ZC2HC1A: variants seen among roughly 807,000 people sequenced by gnomAD.
ZC2HC1A encodes zinc finger C2HC-type containing 1A.
A neutral mutation model predicts 40.7 loss-of-function variants in ZC2HC1A; 28 were observed. The observed-to-expected ratio is 0.69, with a 90% CI of 0.51 to 0.94. The LOEUF (loss-of-function observed/expected upper bound fraction) is 0.94. Ranked by LOEUF, ZC2HC1A falls within the 40% of genes least tolerant of loss-of-function variation. The pLI, the probability that ZC2HC1A is intolerant of heterozygous loss-of-function variation, is 0.00. For missense variants in ZC2HC1A, 389 were observed against 386.3 expected (o/e 1.01, Z -0.06); for synonymous variants, 129 against 129.2 (o/e 1.00, Z 0.01).
chr8:78,706,992 C>G (rs375686592), intron 7 of ZC2HC1A, among the ~76,000 whole-genome samples: 1 of 152,168 alleles, frequency 6.6e-6, no homozygotes, highest in East Asian at 1.9e-4. Context: ...ATCAGTAGAT[C>G]AGGTAGTTGA....
At chr8:78,687,636 A>ATATATATGTTTATGTAATACAT (rs1563626734) in intron 4 of ZC2HC1A, among the ~76,000 whole-genome samples, 10 of 129,972 alleles carry the variant, frequency 7.7e-5, no homozygotes, top group East Asian at 2.2e-4. Flanking sequence ...GTAATACATT[A>ATATATATGTTTATGTAATACAT]TATATATATT....
intron 5 of ZC2HC1A, among the ~76,000 whole-genome samples, chr8:78,697,037 G>A (rs754668436): frequency 8.5e-5 from 13 of 152,274 alleles, no homozygotes; most frequent in South Asian, 4.1e-4. Flanking sequence ...CTGAGAGGGA[G>A]TCTAGTTTGG....
At chr8:78,695,900 G>C (rs1184343306) in intron 5 of ZC2HC1A, among the ~76,000 whole-genome samples, 1 of 152,134 alleles carries the variant, frequency 6.6e-6, no homozygotes, top group Non-Finnish European at 1.5e-5. Context: ...CACATACAGA[G>C]TTAGAAGGAT....
intron 1 of ZC2HC1A, 68 bp from the exon 2 acceptor site, chr8:78,675,719 A>C: frequency 7.2e-7 from 1 of 1,390,020 alleles, no homozygotes; most frequent in Non-Finnish European, 9.9e-7. Context: ...CTAAGAGAAA[A>C]CATTAAAATG....
chr8:78,687,854 TAA>T lies in ZC2HC1A; in HGVS notation c.352+1247_352+1248del. On this transcript the variant is annotated intron_variant, in intron 4 of 8. Coordinates refer to ENST00000263849, the MANE Select transcript of ZC2HC1A (RefSeq NM_016010.3). Reference sequence around the variant, plus strand: ...GTAATAAATTATATATATATTTATATAATATATATCTATATAATAAATATATA... The same window carrying T: ...GTAATAAATTATATATATATTTATATTATATATCTATATAATAAATATATA... Among the ~76,000 whole-genome samples, 3 of 87,418 alleles carry T rather than the reference TAA, an allele frequency of 3.4e-5. No homozygotes were observed. The South Asian group carries it at 1.4e-3, about 40-fold the overall frequency. 57.3% of individuals were successfully genotyped at this position (87,418 alleles called of 152,430 possible).
intron 3 of ZC2HC1A, 84 bp from the exon 4 acceptor site, chr8:78,686,383 A>G (rs1809971492): frequency 9.2e-7 from 1 of 1,090,510 alleles, no homozygotes; most frequent in African/African-American, 1.6e-5. Context: ...TTAAAATGAT[A>G]TGGAATTATC....
At position 78,698,326 on chromosome 8, in the gene ZC2HC1A, TACTAAA is replaced by T. The variant is rs1234246943; in HGVS notation, c.605-87_605-82del. Reference sequence around the variant, plus strand: ...CTTGATTTATAGTTGCAAAGATTATTACTAAAGCATTGTTTCCTTTGTTAGATGCTC... The same window carrying T: ...CTTGATTTATAGTTGCAAAGATTATTGCATTGTTTCCTTTGTTAGATGCTC... On this transcript the variant is annotated intron_variant, in intron 6 of 8. Transcript: ENST00000263849. 68 of 1,093,638 alleles carry T rather than the reference TACTAAA, an allele frequency of 6.2e-5. No individual in the cohort carries two copies. The African/African-American group carries it at 1.0e-3, about 16-fold the overall frequency. The allele number at this position is 1,093,638 out of a possible 1,614,324, so 67.7% of individuals were successfully genotyped here. A position where few individuals can be genotyped will look rare whatever the true frequency, so the allele number is the denominator to read the frequency against.
At chr8:78,675,617 A>G (rs1213164187) in intron 1 of ZC2HC1A, 170 bp from the exon 2 acceptor site, 3 of 572,354 alleles carry the variant, frequency 5.2e-6, no homozygotes, top group Non-Finnish European at 9.0e-6. Context: ...ACCACTGATA[A>G]CTAAGTATTA....
intron 7 of ZC2HC1A, among the ~76,000 whole-genome samples, chr8:78,710,142 G>A (rs912766727): frequency 7.9e-5 from 12 of 152,078 alleles, no homozygotes; most frequent in Non-Finnish European, 1.5e-4. Flanking sequence ...AGTATTATAT[G>A]TATAAAATCT....
intron 5 of ZC2HC1A, 54 bp from the exon 6 acceptor site, chr8:78,697,353 A>C: frequency 7.1e-7 from 1 of 1,415,374 alleles, no homozygotes; most frequent in African/African-American, 1.5e-5. Flanking sequence ...CCACTACTTT[A>C]CAATCCATAA....
At chr8:78,684,598 T>C (rs542846673) in intron 3 of ZC2HC1A, among the ~76,000 whole-genome samples, 1 of 152,284 alleles carries the variant, frequency 6.6e-6, no homozygotes, top group African/African-American at 2.4e-5. Flanking sequence ...TTAGAAGATA[T>C]GATATACCTG....
intron 3 of ZC2HC1A, among the ~76,000 whole-genome samples, chr8:78,683,254 TC>T (rs1809849001): frequency 6.6e-6 from 1 of 152,224 alleles, no homozygotes; most frequent in Admixed American, 6.5e-5. Context: ...GACTCCAATC[TC>T]TTATTTCCCT....
chr8:78,670,053 C>T (rs776453556), intron 1 of ZC2HC1A, among the ~76,000 whole-genome samples: 8 of 151,050 alleles, frequency 5.3e-5, no homozygotes, highest in Non-Finnish European at 8.8e-5. Context: ...CCACAACCTC[C>T]GCCTTCTGGG....
chr8:78,693,122 A>G (rs1012252781), intron 5 of ZC2HC1A, among the ~76,000 whole-genome samples: 1 of 151,992 alleles, frequency 6.6e-6, no homozygotes, highest in Non-Finnish European at 1.5e-5. Flanking sequence ...TTCTTAATCC[A>G]GTCTATCATT....
intron 3 of ZC2HC1A, among the ~76,000 whole-genome samples, chr8:78,681,618 T>C (rs1282676394): frequency 6.6e-6 from 1 of 152,188 alleles, no homozygotes; most frequent in Admixed American, 6.5e-5. Context: ...GTAATATTGA[T>C]GCTAGATTTT....
intron 4 of ZC2HC1A, among the ~76,000 whole-genome samples, chr8:78,686,822 A>G (rs1214380209): frequency 6.6e-6 from 1 of 152,110 alleles, no homozygotes; most frequent in Non-Finnish European, 1.5e-5. Flanking sequence ...TTTTATTTTA[A>G]TACTTTTATT....
intron 1 of ZC2HC1A, among the ~76,000 whole-genome samples, chr8:78,671,546 A>AT (rs1209040714): frequency 6.6e-6 from 1 of 152,128 alleles, no homozygotes; most frequent in Non-Finnish European, 1.5e-5. Context: ...GGAAAGTAAT[A>AT]TTTTTTATTT....
chr8:78,696,905 TCTA>T (rs1333930672), intron 5 of ZC2HC1A, among the ~76,000 whole-genome samples: 2 of 152,216 alleles, frequency 1.3e-5, no homozygotes, highest in African/African-American at 4.8e-5. Context: ...TCTAAGTTTT[TCTA>T]CTAATGTTTG....
At chr8:78,685,259 T>TA (rs932446024) in intron 3 of ZC2HC1A, among the ~76,000 whole-genome samples, 8 of 152,038 alleles carry the variant, frequency 5.3e-5, no homozygotes, top group African/African-American at 1.9e-4. Context: ...ATAGCCATGT[T>TA]AAAAAAATAA....
Sources: gnomAD v4.1 joint callset for allele counts (sites outside exome capture counted in the v4.1 genomes callset) on GRCh38, gnomAD v4.1.1 for gene constraint, MANE v1.5 for transcripts, NCBI Gene and HGNC (gene_info 2026-07-23, HGNC 2026-07-21) for gene names.